The following CEP72 variants were observed in gnomAD, a reference collection of about 807,000 sequenced individuals.
CEP72 encodes the protein centrosomal protein of 72 kDa.
CEP72 carries 78 observed loss-of-function variants against 65.7 expected under a neutral mutation model. That is an observed-to-expected ratio of 1.19 (90% CI 0.99 to 1.43). The LOEUF (loss-of-function observed/expected upper bound fraction) is 1.43. Ranked by LOEUF, CEP72 falls within the 40% of genes most tolerant of loss-of-function variation. The pLI is 0.00. For missense variants in CEP72, 914 were observed against 832.9 expected, an observed-to-expected ratio of 1.10 and a Z score of -1.20; for synonymous variants, 358 against 351.7, an observed-to-expected ratio of 1.02 and a Z score of -0.20.
At chr5:638,006 T>A (rs528755492) in intron 7 of CEP72, among the ~76,000 whole-genome samples, 188 bp downstream of exon 7, 84 of 152,198 alleles carry the variant, frequency 5.5e-4, no homozygotes, top group Middle Eastern at 6.8e-3. Flanking sequence ...GCGGGGCTGT[T>A]ACGGCTTTGG....
chr5:658,884 G>C (rs954431608), downstream of CEP72, among the ~76,000 whole-genome samples: 1 of 152,026 alleles, frequency 6.6e-6, no homozygotes, highest in Non-Finnish European at 1.5e-5. Context: ...TAGCCAGGAT[G>C]GTCTCAATCT....
exon 2 of CEP72, chr5:663,543 G>C (rs1739770268): frequency 6.6e-6 from 1 of 152,458 alleles, no homozygotes; most frequent in African/African-American, 2.4e-5. Flanking sequence ...CTGGCTGGGA[G>C]CTCCGCCCTG....
chr5:640,536 C>T lies in CEP72; in HGVS notation c.1471C>T (p.Gln491Ter). 6.2e-7 allele frequency: 1 copy of T among 1,611,818 alleles called. No individual in the cohort carries two copies. Among genetic ancestry groups the T allele is most frequent in the Non-Finnish European group, 8.5e-7 (1 of 1,178,582 alleles). The change falls in exon 9 of 12, where the codon CAG becomes TAG. Residue 491 changes from glutamine to a stop codon, truncating the protein, a stop_gained. Coordinates refer to ENST00000264935, the MANE Select transcript of CEP72 (RefSeq NM_018140.4). LOFTEE classifies it high-confidence loss of function. Reference protein sequence around the residue: ...SKSLQSRLAEQQQQHAREMSE... With the variant: ...SKSLQSRLAE ...GTCCCTGCAAAGCCGCCTTGCTGAG[C>T]AGCAGCAGCAGCACGCCCGGGAGAT...
At chr5:674,229 C>T in the CEP72 span, among the ~76,000 whole-genome samples, 1 of 152,222 alleles carries the variant, frequency 6.6e-6, no homozygotes. Context: ...AGAGGGCACC[C>T]AGGGACTCGT....
intron 9 of CEP72, chr5:642,462 T>G (rs907620686): frequency 1.0e-6 from 1 of 985,366 alleles, no homozygotes; most frequent in Non-Finnish European, 1.2e-6. Context: ...CCGTCACTGA[T>G]GATGTCTTTT....
rs1737520543 is a variant in CEP72, at chr5:635,410, C to A, written c.730C>A (p.Gln244Lys). 6.2e-7 allele frequency: 1 copy of A among 1,613,860 alleles called. No individual in the cohort carries two copies. Residue 244 changes from glutamine (Q) to lysine (K), a missense_variant, in exon 6 of 12, where the codon CAG (glutamine) becomes AAG (lysine). Coordinates refer to ENST00000264935, the MANE Select transcript of CEP72 (RefSeq NM_018140.4). ...GTTGAGCCCGCAGTTGGTACAGTAC[C>A]AGTGTGGGGACTCTGGGAAGCAGGG... is the stretch of plus-strand genomic sequence containing the variant. ...HLLSPQLVQY[Q>K]CGDSGKQGRE...
At chr5:654,349 G>A (rs1283138608), downstream of CEP72, among the ~76,000 whole-genome samples, 1 of 137,000 alleles carries the variant, frequency 7.3e-6, no homozygotes, top group Non-Finnish European at 1.6e-5. Flanking sequence ...GTGCGCGCAC[G>A]CACCCTGTGT....
At position 647,796 on chromosome 5, in the gene CEP72, C is replaced by G; in HGVS notation, c.1667-9C>G. The G allele has an allele frequency of 1.9e-6, 3 of 1,561,652 alleles. No individual in the cohort carries two copies. The highest frequency in any genetic ancestry group is 2.6e-6 in the Non-Finnish European group (3 of 1,154,346). ...ATTAATGGTACTTTTTTTTTTCTTTCTCTTTCAGGACTTCAAACAAGTGTG... is the reference window on the plus strand; with the variant it reads ...ATTAATGGTACTTTTTTTTTTCTTTGTCTTTCAGGACTTCAAACAAGTGTG... On this transcript the variant is annotated splice_polypyrimidine_tract_variant and intron_variant, in intron 10 of 11. Transcript: ENST00000264935.
intron 1 of CEP72, among the ~76,000 whole-genome samples, chr5:617,571 C>T (rs1287350637): frequency 6.6e-6 from 1 of 152,196 alleles, no homozygotes; most frequent in Non-Finnish European, 1.5e-5. Context: ...CCCTCCTGAC[C>T]CTGTCCCGGT....
At chr5:626,428 A>T (rs894220058) in intron 4 of CEP72, among the ~76,000 whole-genome samples, 1 of 152,184 alleles carries the variant, frequency 6.6e-6, no homozygotes, top group Non-Finnish European at 1.5e-5. Flanking sequence ...GAAAGGAATC[A>T]TCATGAAGGA....
In CEP72 at chr5:640,299, C is replaced by T. The variant is rs181954850; in HGVS notation, c.1343-109C>T. 104 of 1,457,568 alleles carry T rather than the reference C, an allele frequency of 7.1e-5. No individual in the cohort carries two copies. In the African/African-American group the frequency reaches 1.2e-3, roughly 17 times the overall value. The allele number at this position is 1,457,568 out of a possible 1,614,324, so 90.3% of individuals were successfully genotyped here. On this transcript the variant is annotated intron_variant, in intron 8 of 11. Coordinates refer to ENST00000264935, the MANE Select transcript of CEP72 (RefSeq NM_018140.4). The stretch of plus-strand genomic sequence containing the variant: ...ACCCCTTTCCCCTCTCCCTACCTGT[C>T]GTCTTTTTGAGGCATCGTCTGTGTG...
downstream of CEP72, among the ~76,000 whole-genome samples, chr5:654,468 T>C (rs1739316494): frequency 2.0e-5 from 3 of 152,054 alleles, no homozygotes; most frequent in African/African-American, 7.2e-5. Flanking sequence ...TGTGTGTGTG[T>C]GTGTGCGTGT....
chr5:632,781 C>T (rs66587791), intron 4 of CEP72, among the ~76,000 whole-genome samples: 2 of 39,342 alleles, frequency 5.1e-5, no homozygotes, highest in Admixed American at 2.5e-4. Context: ...TTGACCCAGT[C>T]CTGGTGGGGT....
At chr5:661,743 A>G (rs1006969061), downstream of CEP72, 2 of 152,408 alleles carry the variant, frequency 1.3e-5, no homozygotes, top group Admixed American at 1.3e-4. Flanking sequence ...GTTGTAACTG[A>G]CAGTGGTGAC....
intron 4 of CEP72, among the ~76,000 whole-genome samples, chr5:625,774 G>A (rs759250596): frequency 3.9e-5 from 6 of 152,038 alleles, no homozygotes; most frequent in East Asian, 1.9e-4. Flanking sequence ...GGTGATCTAC[G>A]CAGCCGCTGG....
chr5:619,170 G>T (rs1736210150), intron 2 of CEP72, 53 bp downstream of exon 2: 1 of 1,542,912 alleles, frequency 6.5e-7, no homozygotes, highest in South Asian at 1.1e-5. Flanking sequence ...TCAGTGGAAA[G>T]TCCATTCACA....
At chr5:617,317 T>G (rs1697949) in intron 1 of CEP72, among the ~76,000 whole-genome samples, 95,886 of 151,980 alleles carry the variant, frequency 0.63, 30,433 homozygotes, top group Non-Finnish European at 0.66. Flanking sequence ...GAGGAGCAGG[T>G]TGAAATGTGT....
intron 2 of CEP72, 64 bp from the exon 3 acceptor site, chr5:620,005 G>T (rs559201267): frequency 1.5e-6 from 2 of 1,378,412 alleles, no homozygotes; most frequent in East Asian, 2.3e-5. Flanking sequence ...TGTGTTGCTG[G>T]CTTATTTCAC....
chr5:641,180 C>G (rs1031879774), intron 9 of CEP72: 10 of 984,850 alleles, frequency 1.0e-5, no homozygotes, highest in African/African-American at 1.8e-5. Context: ...CAGCCGTGGG[C>G]TGGGGCCACC....
Sources: allele counts gnomAD v4.1 joint callset (sites outside exome capture counted in the v4.1 genomes callset), GRCh38; gene constraint gnomAD v4.1.1; transcripts MANE v1.5; gene names NCBI Gene and HGNC (gene_info 2026-07-23, HGNC 2026-07-21).